RGL3: variants seen among roughly 807,000 people sequenced by gnomAD.
RGL3 encodes ral guanine nucleotide dissociation stimulator-like 3.
In RGL3, 85 loss-of-function variants were observed where a neutral mutation model predicts 90.6. The ratio of observed to expected loss-of-function variants is 0.94; its 90% confidence interval spans 0.79 to 1.12. The LOEUF (loss-of-function observed/expected upper bound fraction) is 1.12, where lower values mean the gene tolerates loss of function less well. RGL3 is among the 50% of genes most tolerant of loss of function. RGL3 has a pLI of 0.00. For synonymous variants in RGL3, 408 were observed against 385.5 expected, an observed-to-expected ratio of 1.06 and a Z score of -0.68; for missense variants, 1,034 against 939.2, an observed-to-expected ratio of 1.10 and a Z score of -1.32.
At chr19:11,419,126 G>A (rs917641207) in intron 1 of RGL3, 120 bp downstream of exon 1, 3 of 1,084,754 alleles carry the variant, frequency 2.8e-6, no homozygotes, top group Admixed American at 4.7e-5. Context: ...GAGTCCCCAG[G>A]AGGGGACTCC....
At chr19:11,403,424 A>G (rs1968715878) in intron 9 of RGL3, among the ~76,000 whole-genome samples, 1 of 149,570 alleles carries the variant, frequency 6.7e-6, no homozygotes, top group African/African-American at 2.4e-5. Context: ...GGATCACATG[A>G]GGTAAGGAGT....
rs766466845 is a variant in RGL3, at chr19:11,415,932, C to G, written c.637+5G>C. The G allele has an allele frequency of 5.2e-5, 83 of 1,609,316 alleles. No homozygotes were observed. The highest frequency in any genetic ancestry group is 4.4e-4 in the Admixed American group (26 of 58,896). On this transcript the variant is annotated splice_donor_5th_base_variant and intron_variant, in intron 5 of 18. Coordinates refer to ENST00000380456, the MANE Select transcript of RGL3 (RefSeq NM_001035223.4). Reference sequence around the variant, plus strand: ...AGAACACGACTGGATCTGAAAACCCCTCACCTGTCCACACCTGAGGCGGCT... The same window carrying G: ...AGAACACGACTGGATCTGAAAACCCGTCACCTGTCCACACCTGAGGCGGCT...
At chr19:11,400,002 C>G (rs1327884913) in intron 15 of RGL3, 38 bp downstream of exon 15, 1 of 1,596,578 alleles carries the variant, frequency 6.3e-7, no homozygotes, top group East Asian at 2.3e-5. Context: ...ACTCCTGATC[C>G]CATGATCCCC....
chr19:11,400,695 T>C (rs138074808), intron 13 of RGL3, among the ~76,000 whole-genome samples: 2,519 of 151,196 alleles, frequency 0.017, 75 homozygotes, highest in African/African-American at 0.058. Context: ...CTACTAAAAA[T>C]ACAAAAAAAA....
Position 11,414,472 on chromosome 19 carries a change from T to TAC in RGL3, c.637+1464_637+1465insGT, listed in dbSNP as rs1386697032. Among the ~76,000 whole-genome samples, 249 of 98,800 alleles carry TAC rather than the reference T, an allele frequency of 2.5e-3. 4 individuals carry two copies. The highest frequency in any genetic ancestry group is 8.8e-3 in the East Asian group (26 of 2,966). 64.8% of individuals were successfully genotyped at this position (98,800 alleles called of 152,430 possible). ...ATATATATATATACCTTCATATATA[T>TAC]ATATATATATACACCTTCATATATA... is the stretch of plus-strand genomic sequence containing the variant. On this transcript the variant is annotated intron_variant, in intron 5 of 18. Coordinates refer to ENST00000380456, the MANE Select transcript of RGL3 (RefSeq NM_001035223.4).
At position 11,416,552 on chromosome 19, in the gene RGL3, T is replaced by C; in HGVS notation, c.425+62A>G. ...GCAATTTTCAAAACCCCAGTCCGACTGCTAACCTTTGACCTCTTGGATTTC... is the reference window on the plus strand; with the variant it reads ...GCAATTTTCAAAACCCCAGTCCGACCGCTAACCTTTGACCTCTTGGATTTC... On this transcript the variant is annotated intron_variant, in intron 4 of 18. Coordinates refer to ENST00000380456, the MANE Select transcript of RGL3 (RefSeq NM_001035223.4). 3 of 1,522,462 alleles carry C rather than the reference T, an allele frequency of 2.0e-6. No individual in the cohort carries two copies. The East Asian group carries it at 6.7e-5, about 34-fold the overall frequency. The allele number at this position is 1,522,462 out of a possible 1,614,324, so 94.3% of individuals were successfully genotyped here.
At chr19:11,414,537 A>G (rs542864646) in intron 5 of RGL3, among the ~76,000 whole-genome samples, 135 of 127,984 alleles carry the variant, frequency 1.1e-3, no homozygotes, top group Non-Finnish European at 1.7e-3. Flanking sequence ...ATACCTTTAT[A>G]TATATATAAA....
At chr19:11,404,529 TACAA>T (rs894312032) in intron 9 of RGL3, among the ~76,000 whole-genome samples, 2 of 151,890 alleles carry the variant, frequency 1.3e-5, no homozygotes, top group South Asian at 2.1e-4. Flanking sequence ...TCTGTCTCAA[TACAA>T]ACAAACAAAG....
intron 13 of RGL3, 46 bp from the exon 14 acceptor site, chr19:11,400,343 G>A: frequency 1.3e-6 from 2 of 1,485,728 alleles, no homozygotes; most frequent in Middle Eastern, 3.6e-4. Context: ...AGGAAATACA[G>A]GGGATGGAGA....
At chr19:11,417,144 CTCT>C in intron 2 of RGL3, 85 bp from the exon 3 acceptor site, 16 of 931,378 alleles carry the variant, frequency 1.7e-5, no homozygotes, top group South Asian at 3.8e-5. Flanking sequence ...ACTAGCACCA[CTCT>C]TTTTTTTTTT....
At position 11,417,047 on chromosome 19, in the gene RGL3, T is replaced by C; in HGVS notation, c.160A>G (p.Ile54Val). The change falls in exon 3 of 19, where the codon ATT becomes GTT. Residue 54 changes from isoleucine (I) to valine (V), a missense_variant. Physicochemically the swap from Ile to Val is conservative, Grantham distance 29 (BLOSUM62 3). Transcript: ENST00000380456. ...GPGGSQAPSP[I>V]ANTFLHYRTS... is the part of the protein sequence containing the mutation. ...CGATAGTGGAGGAAGGTATTGGCAA[T>C]GGGGCTGGGAGCCTGCAGGAGGGGA... 1 of 1,602,554 alleles carries C rather than the reference T, an allele frequency of 6.2e-7. No individual in the cohort carries two copies. Among genetic ancestry groups the C allele is most frequent in the South Asian group, 1.1e-5 (1 of 88,828 alleles).
chr19:11,411,860 C>T lies in RGL3; in HGVS notation c.637+4077G>A, dbSNP rs533447537. Among the ~76,000 whole-genome samples the T allele has an allele frequency of 2.9e-4, 44 of 152,340 alleles. No individual in the cohort carries two copies. In the South Asian group the frequency reaches 3.7e-3, roughly 13 times the overall value. On this transcript the variant is annotated intron_variant, in intron 5 of 18. Coordinates refer to ENST00000380456, the MANE Select transcript of RGL3 (RefSeq NM_001035223.4). ...AATCTCCTGGGCTCAAGCCATCCAC[C>T]TGCCTTGGCCTCCCAAAATGCTGGG...
intron 7 of RGL3, among the ~76,000 whole-genome samples, chr19:11,406,169 C>T (rs1968774300): frequency 6.6e-6 from 1 of 152,112 alleles, no homozygotes; most frequent in South Asian, 2.1e-4. Context: ...CCTCCAGCCC[C>T]TGCCTCCGAC....
At chr19:11,416,491 G>GC (rs1969000763) in intron 4 of RGL3, 123 bp downstream of exon 4, 1 of 958,674 alleles carries the variant, frequency 1.0e-6, no homozygotes, top group South Asian at 1.3e-5. Flanking sequence ...GAGCCACCAC[G>GC]CCCCACCTGA....
chr19:11,410,143 AT>A (rs1311508689), intron 5 of RGL3, among the ~76,000 whole-genome samples: 1 of 149,316 alleles, frequency 6.7e-6, no homozygotes, highest in Non-Finnish European at 1.5e-5. Flanking sequence ...TTATTTATTT[AT>A]TTTTTATTTT....
At position 11,396,158 on chromosome 19, in the gene RGL3, ATTTTTTTTTTTTT is replaced by A. The variant is rs1169850022; in HGVS notation, c.2014+1073_2014+1085del. ...TCTCTATATATATATATATATATAT[ATTTTTTTTTTTTT>A]TTTTTTTTTTTTTTTGAGACAGAGT... On this transcript the variant is annotated intron_variant, in intron 18 of 18. Transcript: ENST00000380456. 2.6e-3 allele frequency among the ~76,000 whole-genome samples: 66 copies of A among 25,622 alleles called. 1 individual carries two copies. In the East Asian group the frequency reaches 0.026, roughly 10 times the overall value. 16.8% of individuals were successfully genotyped at this position (25,622 alleles called of 152,430 possible).
chr19:11,414,167 A>ATATACACACC (rs1968924769), intron 5 of RGL3, among the ~76,000 whole-genome samples: 8 of 110,986 alleles, frequency 7.2e-5, no homozygotes, highest in African/African-American at 3.3e-4. Flanking sequence ...ATATATATAT[A>ATATACACACC]TATATATATA....
Position 11,394,439 on chromosome 19 carries a change from T to G in RGL3, c.2096A>C (p.Glu699Ala), listed in dbSNP as rs201957134. 2 of 1,613,704 alleles carry G rather than the reference T, an allele frequency of 1.2e-6. No homozygotes were observed. The highest frequency in any genetic ancestry group is 2.7e-5 in the African/African-American group (2 of 74,796). The change falls in exon 19 of 19, where the codon GAG (glutamate) becomes GCG (alanine). Residue 699 changes from glutamate to alanine, a missense_variant. By Grantham distance (107) the Glu-to-Ala change is moderately radical. Transcript: ENST00000380456. ...GACAGACAGAGTGTTCCGGGTCCCCTCTTTCCGCCGCAGCATGAAGTCTCT... is the reference window on the plus strand; with the variant it reads ...GACAGACAGAGTGTTCCGGGTCCCCGCTTTCCGCCGCAGCATGAAGTCTCT... ...APRDFMLRRK[E>A]GTRNTLSVSP...
At chr19:11,418,901 C>A (rs1969055680) in intron 1 of RGL3, 117 bp from the exon 2 acceptor site, 3 of 820,040 alleles carry the variant, frequency 3.7e-6, no homozygotes, top group East Asian at 5.7e-5. Flanking sequence ...CCCTTCCCGG[C>A]CAGAAGCTGC....
Sources: gnomAD v4.1 joint callset for allele counts (sites outside exome capture counted in the v4.1 genomes callset) on GRCh38, gnomAD v4.1.1 for gene constraint, MANE v1.5 for transcripts, NCBI Gene and HGNC (gene_info 2026-07-23, HGNC 2026-07-21) for gene names.